SUGT1: variants seen among roughly 807,000 people sequenced by gnomAD.
SUGT1 encodes SGT1 assembly cochaperone of MIS12 kinetochore complex.
A neutral mutation model predicts 56.1 loss-of-function variants in SUGT1; 15 were observed. The observed-to-expected ratio is 0.27, with a 90% CI of 0.18 to 0.41. The LOEUF (loss-of-function observed/expected upper bound fraction) is 0.41, where lower values mean the gene tolerates loss of function less well. Ranked by LOEUF, SUGT1 falls within the 10% of genes least tolerant of loss-of-function variation. The probability of loss-of-function intolerance (pLI) is 1.00; values close to 1 mark genes in which losing one functional copy is unlikely to be tolerated. For synonymous variants in SUGT1, 123 were observed against 128.6 expected (o/e 0.96, Z 0.30); for missense variants, 347 against 382.2 (o/e 0.91, Z 0.77).
intron 3 of SUGT1, 114 bp from the exon 4 acceptor site, chr13:52,658,285 C>A: frequency 6.5e-7 from 1 of 1,545,518 alleles, no homozygotes; most frequent in South Asian, 1.2e-5. Flanking sequence ...AATTTAAAAC[C>A]ATTTGGCATT....
intron 10 of SUGT1, among the ~76,000 whole-genome samples, chr13:52,675,501 C>T (rs1360832753): frequency 2.0e-5 from 3 of 152,096 alleles, no homozygotes; most frequent in Admixed American, 1.3e-4. Flanking sequence ...CACTTGAGCC[C>T]AGGAGTTCAA....
intron 10 of SUGT1, among the ~76,000 whole-genome samples, chr13:52,672,133 C>T (rs977378450): frequency 1.3e-5 from 2 of 152,098 alleles, no homozygotes; most frequent in African/African-American, 2.4e-5. Context: ...TCAGCAAATG[C>T]GTTATCATAG....
At chr13:52,687,068 CAAAAAAAAAAA>C (rs57702146) in intron 12 of SUGT1, 2 of 64,858 alleles carry the variant, frequency 3.1e-5, no homozygotes, top group East Asian at 5.6e-4. Flanking sequence ...AACTCCGTCT[CAAAAAAAAAAA>C]AAAAAAAAAA....
intron 2 of SUGT1, among the ~76,000 whole-genome samples, chr13:52,654,688 A>G (rs1962074644): frequency 6.6e-6 from 1 of 152,236 alleles, no homozygotes; most frequent in Non-Finnish European, 1.5e-5. Flanking sequence ...ATCATACAGT[A>G]GGTGCTTTAT....
At chr13:52,681,662 G>T (rs1963379131) in intron 12 of SUGT1, among the ~76,000 whole-genome samples, 1 of 151,950 alleles carries the variant, frequency 6.6e-6, no homozygotes, top group Admixed American at 6.6e-5. Context: ...GGACAATATG[G>T]TAAGTTCTGG....
chr13:52,675,166 C>CAG lies in SUGT1; in HGVS notation c.628-1063_628-1062insGA, dbSNP rs563646321. Among the ~76,000 whole-genome samples the CAG allele has an allele frequency of 1.7e-3, 259 of 152,210 alleles. 1 individual carries two copies. Among genetic ancestry groups the CAG allele is most frequent in the Non-Finnish European group, 2.8e-3 (188 of 68,050 alleles). ...CAAGATGTATAAAGCGTTTCCCCTT[C>CAG]ACAGTCAGGTGTGCTCTCTCCTGAG... On this transcript the variant is annotated intron_variant, in intron 10 of 12. Coordinates refer to ENST00000310528, the MANE Select transcript of SUGT1 (RefSeq NM_006704.5).
intron 11 of SUGT1, among the ~76,000 whole-genome samples, chr13:52,676,821 C>T (rs1963162040): frequency 1.3e-5 from 2 of 152,048 alleles, no homozygotes; most frequent in Non-Finnish European, 2.9e-5. Flanking sequence ...GTGGTAAATG[C>T]CAAAGGAAAG....
At chr13:52,668,985 G>A (rs1259824532) in intron 10 of SUGT1, among the ~76,000 whole-genome samples, 1 of 152,176 alleles carries the variant, frequency 6.6e-6, no homozygotes, top group Non-Finnish European at 1.5e-5. Flanking sequence ...TGTGTGGCTA[G>A]AGTTGAGGAT....
At position 52,689,500 on chromosome 13, in the gene SUGT1, A is replaced by G. The variant is rs1255119478; in HGVS notation, c.*1665A>G. 1.3e-5 allele frequency: 2 copies of G among 152,238 alleles called. No individual in the cohort carries two copies. Among genetic ancestry groups the G allele is most frequent in the Admixed American group, 1.3e-4 (2 of 15,276 alleles). 9.4% of individuals were successfully genotyped at this position (152,238 alleles called of 1,614,324 possible). ...ACCAGAGACAAGAATGCTTAGCTCTAGCAAGTCTTCTGTCATTGACTACCT... is the reference window on the plus strand; with the variant it reads ...ACCAGAGACAAGAATGCTTAGCTCTGGCAAGTCTTCTGTCATTGACTACCT... On this transcript the variant is annotated 3_prime_UTR_variant, in exon 13 of 13. Coordinates refer to ENST00000310528, the MANE Select transcript of SUGT1 (RefSeq NM_006704.5).
Position 52,694,995 on chromosome 13 carries a change from AGATGTT to A in SUGT1, c.*7161_*7166del. ...GAGCCACCATGCCCAGCCTGCTGGT[AGATGTT>A]TTTATGAGTTAATTCATCAATCTTA... On this transcript the variant is annotated 3_prime_UTR_variant, in exon 13 of 13. Coordinates refer to ENST00000310528, the MANE Select transcript of SUGT1 (RefSeq NM_006704.5). 1 of 152,342 alleles carries A rather than the reference AGATGTT, an allele frequency of 6.6e-6. No individual in the cohort carries two copies. The highest frequency in any genetic ancestry group is 6.5e-5 in the Admixed American group (1 of 15,302). The allele number at this position is 152,342 out of a possible 1,614,324, so 9.4% of individuals were successfully genotyped here. A position where few individuals can be genotyped will look rare whatever the true frequency, so the allele number is the denominator to read the frequency against.
At chr13:52,677,313 C>G (rs1386067997) in intron 11 of SUGT1, among the ~76,000 whole-genome samples, 1 of 152,106 alleles carries the variant, frequency 6.6e-6, no homozygotes, top group East Asian at 1.9e-4. Flanking sequence ...CTTAACTAGT[C>G]CAATGATTAC....
intron 10 of SUGT1, among the ~76,000 whole-genome samples, chr13:52,674,053 C>CTTTTTTTTTTTTTTTTTTTT (rs765220996): frequency 9.3e-6 from 1 of 107,962 alleles, no homozygotes; most frequent in Non-Finnish European, 1.7e-5. Flanking sequence ...AGATAGTATA[C>CTTTTTTTTTTTTTTTTTTTT]TTTTTTTTTT....
At chr13:52,653,009 C>T (rs375105530) in intron 1 of SUGT1, 37 bp from the exon 2 acceptor site, 1 of 1,614,164 alleles carries the variant, frequency 6.2e-7, no homozygotes, top group Non-Finnish European at 8.5e-7. Flanking sequence ...CTTTCCTTGG[C>T]TAGTGAGCCC....
Position 52,658,379 on chromosome 13 carries a change from A to G in SUGT1, c.188-20A>G, listed in dbSNP as rs78398870. 5.0e-6 allele frequency: 8 copies of G among 1,608,922 alleles called. No individual in the cohort carries two copies. In the Admixed American group the frequency reaches 5.1e-5, roughly 10 times the overall value. ...AGGATCTATAAATAACTGACTAAAAACCCGTCTTTTTCTACACAGTTGCTG... is the reference window on the plus strand; with the variant it reads ...AGGATCTATAAATAACTGACTAAAAGCCCGTCTTTTTCTACACAGTTGCTG... On this transcript the variant is annotated intron_variant, in intron 3 of 12. Transcript: ENST00000310528.
At chr13:52,662,472 T>C (rs1962499818) in intron 5 of SUGT1, among the ~76,000 whole-genome samples, 177 bp from the exon 6 acceptor site, 1 of 152,232 alleles carries the variant, frequency 6.6e-6, no homozygotes. Context: ...TGTTAAACTA[T>C]TGGTATATTT....
At chr13:52,663,739 A>G (rs1962562095) in intron 7 of SUGT1, among the ~76,000 whole-genome samples, 1 of 152,232 alleles carries the variant, frequency 6.6e-6, no homozygotes, top group Admixed American at 6.5e-5. Context: ...TTTTCTAATC[A>G]TGCCTTTAGA....
chr13:52,659,814 ATTTTTTTTTTTTTTTTT>A lies in SUGT1; in HGVS notation c.328+581_328+597del, dbSNP rs71088033. Among the ~76,000 whole-genome samples, 433 of 58,684 alleles carry A rather than the reference ATTTTTTTTTTTTTTTTT, an allele frequency of 7.4e-3. 2 individuals carry two copies. The highest frequency in any genetic ancestry group is 0.017 in the African/African-American group (235 of 13,492). The allele number at this position is 58,684 out of a possible 152,430, so 38.5% of individuals were successfully genotyped here. Reference sequence around the variant, plus strand: ...AATATATATATATATATATATATATATTTTTTTTTTTTTTTTTTTTTTTTTTTTTTTTGAGACGGAGT... The same window carrying A: ...AATATATATATATATATATATATATATTTTTTTTTTTTTTTGAGACGGAGT... On this transcript the variant is annotated intron_variant, in intron 5 of 12. Coordinates refer to ENST00000310528, the MANE Select transcript of SUGT1 (RefSeq NM_006704.5).
intron 10 of SUGT1, among the ~76,000 whole-genome samples, chr13:52,672,014 T>C (rs1016725184): frequency 2.6e-5 from 4 of 152,174 alleles, no homozygotes; most frequent in African/African-American, 9.7e-5. Context: ...TAAGATGATA[T>C]ATGTGAAGCA....
chr13:52,675,237 G>A (rs897594298), intron 10 of SUGT1, among the ~76,000 whole-genome samples: 4 of 152,152 alleles, frequency 2.6e-5, no homozygotes, highest in African/African-American at 9.7e-5. Flanking sequence ...CTTTCTTAAA[G>A]TATCTCACAT....
Sources: allele counts gnomAD v4.1 joint callset (sites outside exome capture counted in the v4.1 genomes callset), GRCh38; gene constraint gnomAD v4.1.1; transcripts MANE v1.5; gene names NCBI Gene and HGNC (gene_info 2026-07-23, HGNC 2026-07-21).